FAM53B: variants seen among roughly 807,000 people sequenced by gnomAD.
FAM53B encodes the protein family with sequence similarity 53 member B, also known as protein FAM53B.
A neutral mutation model predicts 32.7 loss-of-function variants in FAM53B; 12 were observed. The ratio of observed to expected loss-of-function variants is 0.37; its 90% CI spans 0.24 to 0.59. FAM53B has a LOEUF of 0.59. FAM53B is among the 20% of genes least tolerant of loss of function. FAM53B has a pLI of 0.72. For missense variants in FAM53B, 477 were observed against 577.7 expected (o/e 0.83, Z 1.79); for synonymous variants, 234 against 228.7 (o/e 1.02, Z -0.21).
chr10:124,682,257 C>A lies in FAM53B; in HGVS notation c.256G>T (p.Ala86Ser). ...TTGATCAGACTGGTCACAGCGCAGGCGGTCACTGCCTCCCGGTGCCATAGT... is the reference window on the plus strand; with the variant it reads ...TTGATCAGACTGGTCACAGCGCAGGAGGTCACTGCCTCCCGGTGCCATAGT... The part of the protein sequence containing the change: ...SSLWHREAVT[A>S]CAVTSLIKDL... The change falls in exon 4 of 5, where the codon GCC becomes TCC. Residue 86 changes from alanine to serine, a missense_variant. By Grantham distance (99) the Ala-to-Ser change is moderately conservative (BLOSUM62 1). Transcript: ENST00000337318. The surrounding 1 kb of genome is among the most constrained non-coding windows in gnomAD (Gnocchi z 5.2). 1 of 1,613,998 alleles carries A rather than the reference C, an allele frequency of 6.2e-7. No individual in the cohort carries two copies. Among genetic ancestry groups the A allele is most frequent in the Non-Finnish European group, 8.5e-7 (1 of 1,179,978 alleles).
At chr10:124,683,291 A>G (rs555427288) in intron 3 of FAM53B, among the ~76,000 whole-genome samples, 95 of 152,368 alleles carry the variant, frequency 6.2e-4, no homozygotes, top group African/African-American at 2.3e-3. Context: ...ATGCAAAGAT[A>G]AATTTGACAT....
In FAM53B at chr10:124,677,255, A is replaced by G. The variant is rs117127520; in HGVS notation, c.906+4352T>C. Among the ~76,000 whole-genome samples, 642 of 152,372 alleles carry G rather than the reference A, an allele frequency of 4.2e-3. 27 individuals are homozygous for G. The East Asian group carries it at 0.11, about 26-fold the overall frequency. On this transcript the variant is annotated intron_variant, in intron 4 of 4. Coordinates refer to ENST00000337318, the MANE Select transcript of FAM53B (RefSeq NM_014661.4). ...TGGTCAAACCAGGTCTCAAAAAAGC[A>G]GTAAGGAAAATGTCAGCAAAAGTCC... is the stretch of plus-strand genomic sequence containing the variant.
chr10:124,715,903 T>C (rs1349790049), intron 1 of FAM53B, among the ~76,000 whole-genome samples: 1 of 152,176 alleles, frequency 6.6e-6, no homozygotes, highest in Non-Finnish European at 1.5e-5. Flanking sequence ...TAGGCACAAT[T>C]CCTAGCAGGG....
chr10:124,684,449 C>A (rs546968621), intron 3 of FAM53B, among the ~76,000 whole-genome samples: 102 of 152,298 alleles, frequency 6.7e-4, no homozygotes, highest in African/African-American at 2.4e-3. Flanking sequence ...TTTGGGTATT[C>A]ACCATTCTAT....
intron 3 of FAM53B, among the ~76,000 whole-genome samples, chr10:124,693,086 T>C (rs1949845487): frequency 6.6e-6 from 1 of 152,194 alleles, no homozygotes; most frequent in Non-Finnish European, 1.5e-5. Context: ...TTTGGTGTTT[T>C]ATCTTCGCAC....
At chr10:124,628,151 A>G (rs1443106932) in intron 4 of FAM53B, among the ~76,000 whole-genome samples, 1 of 152,106 alleles carries the variant, frequency 6.6e-6, no homozygotes, top group African/African-American at 2.4e-5. Context: ...ACTAAACCAC[A>G]TGTTTTATCA....
At chr10:124,696,270 G>A in intron 2 of FAM53B, 58 bp from the exon 3 acceptor site, 1 of 1,379,394 alleles carries the variant, frequency 7.2e-7, no homozygotes, top group Non-Finnish European at 1.0e-6. Flanking sequence ...TGTTTGCACT[G>A]ACTCTACTGA....
At chr10:124,687,970 G>C (rs1949812810) in intron 3 of FAM53B, among the ~76,000 whole-genome samples, 2 of 152,292 alleles carry the variant, frequency 1.3e-5, no homozygotes, top group South Asian at 4.1e-4. Context: ...CTGAAAGTTG[G>C]TGTTTATGTT....
intron 1 of FAM53B, among the ~76,000 whole-genome samples, chr10:124,718,088 G>A (rs1206866580): frequency 6.6e-6 from 1 of 151,930 alleles, no homozygotes; most frequent in Non-Finnish European, 1.5e-5. Flanking sequence ...ACACAGCTGC[G>A]AGGGCAGTGA....
intron 1 of FAM53B, among the ~76,000 whole-genome samples, chr10:124,708,675 GC>G (rs1244030895): frequency 7.2e-5 from 11 of 152,360 alleles, no homozygotes; most frequent in African/African-American, 2.6e-4. Flanking sequence ...TTTCAAAGGG[GC>G]CTTTTGTGCC....
intron 4 of FAM53B, among the ~76,000 whole-genome samples, chr10:124,679,759 G>A (rs1371420744): frequency 6.6e-6 from 1 of 152,280 alleles, no homozygotes; most frequent in Non-Finnish European, 1.5e-5. Flanking sequence ...GATCTGGGAG[G>A]CCTGCCTGGG....
At chr10:124,690,962 T>C (rs980337247) in intron 3 of FAM53B, among the ~76,000 whole-genome samples, 1 of 152,194 alleles carries the variant, frequency 6.6e-6, no homozygotes, top group Non-Finnish European at 1.5e-5. Flanking sequence ...AGACCAAAAA[T>C]TGGGCCTGAG....
At chr10:124,680,348 A>G (rs774381945) in intron 4 of FAM53B, among the ~76,000 whole-genome samples, 8 of 152,224 alleles carry the variant, frequency 5.3e-5, no homozygotes, top group Non-Finnish European at 1.2e-4. Context: ...AGGCTCTTGA[A>G]CAAAGGTGGC....
intron 4 of FAM53B, among the ~76,000 whole-genome samples, chr10:124,664,468 A>G (rs563789744): frequency 1.3e-5 from 2 of 152,354 alleles, no homozygotes; most frequent in East Asian, 3.9e-4. Flanking sequence ...CCTGGGCTCC[A>G]AGCCCAGATC....
intron 4 of FAM53B, among the ~76,000 whole-genome samples, chr10:124,649,574 A>G (rs574856910): frequency 6.6e-6 from 1 of 152,316 alleles, no homozygotes; most frequent in South Asian, 2.1e-4. Context: ...GGATGTGGAC[A>G]ATGCCTGTTC....
At chr10:124,729,706 G>A (rs950607365) in intron 1 of FAM53B, among the ~76,000 whole-genome samples, 1 of 152,208 alleles carries the variant, frequency 6.6e-6, no homozygotes, top group Admixed American at 6.5e-5. Flanking sequence ...ACTCCTGACT[G>A]TACAATGCAT....
intron 1 of FAM53B, among the ~76,000 whole-genome samples, chr10:124,711,902 T>C: frequency 7.1e-6 from 1 of 141,656 alleles, no homozygotes; most frequent in East Asian, 2.0e-4. Context: ...AAATAAAAAC[T>C]AAAAAAAAAA....
Position 124,673,559 on chromosome 10 carries a change from A to G in FAM53B, c.906+8048T>C, listed in dbSNP as rs914194527. ...CGGGGACACCATTGCTCTGCTGGGT[A>G]CAGCAGCTCAGTGGGCACTCGCCCT... is the stretch of plus-strand genomic sequence containing the variant. On this transcript the variant is annotated intron_variant, in intron 4 of 4. Transcript: ENST00000337318. Among the ~76,000 whole-genome samples the G allele has an allele frequency of 3.9e-5, 6 of 152,300 alleles. 1 individual carries two copies. In the South Asian group the frequency reaches 1.2e-3, roughly 32 times the overall value.
At chr10:124,633,647 C>T (rs762614920) in intron 4 of FAM53B, among the ~76,000 whole-genome samples, 63 of 151,894 alleles carry the variant, frequency 4.1e-4, no homozygotes, top group Admixed American at 1.3e-4. Flanking sequence ...TGAAATAGAC[C>T]CAGTTTGGTA....
Sources: allele counts gnomAD v4.1 joint callset (sites outside exome capture counted in the v4.1 genomes callset), GRCh38; gene constraint gnomAD v4.1.1; non-coding constraint Gnocchi (gnomAD v3.1); transcripts MANE v1.5; gene names NCBI Gene and HGNC (gene_info 2026-07-23, HGNC 2026-07-21).